Variants in ANPEP observed in about 807,000 individuals in gnomAD.
ANPEP encodes aminopeptidase N.
A neutral mutation model predicts 114.6 loss-of-function variants in ANPEP; 70 were observed. That is an observed-to-expected ratio of 0.61 (90% CI 0.50 to 0.75). ANPEP has a LOEUF of 0.75. ANPEP is among the 30% of genes least tolerant of loss of function. The pLI, the probability that ANPEP is intolerant of heterozygous loss-of-function variation, is 0.00. For missense variants in ANPEP, 1,184 were observed against 1,259.5 expected, an observed-to-expected ratio of 0.94 and a Z score of 0.91; for synonymous variants, 548 against 522.3, an observed-to-expected ratio of 1.05 and a Z score of -0.67.
chr15:89,791,282 G>C (rs761230301), intron 18 of ANPEP, among the ~76,000 whole-genome samples, 189 bp from the exon 19 acceptor site: 2 of 152,182 alleles, frequency 1.3e-5, no homozygotes, highest in African/African-American at 2.4e-5. Flanking sequence ...CAGGGTCACA[G>C]GGTCACTGGC....
chr15:89,799,658 C>G lies in ANPEP; in HGVS notation c.1820-99G>C. The G allele has an allele frequency of 6.5e-7, 1 of 1,549,794 alleles. No individual in the cohort carries two copies. Among genetic ancestry groups the G allele is most frequent in the Non-Finnish European group, 8.8e-7 (1 of 1,136,288 alleles). On this transcript the variant is annotated intron_variant, in intron 12 of 20. Coordinates refer to ENST00000300060, the MANE Select transcript of ANPEP (RefSeq NM_001150.3). The surrounding 1 kb of genome is among the most constrained non-coding windows in gnomAD (Gnocchi z 4.2). ...AGCTGCCCCCGCAGCCTGGCACCAC[C>G]TCACCCTCAAGCTGCTGGGGAGACG... is the stretch of plus-strand genomic sequence containing the variant.
In ANPEP at chr15:89,792,134, C is replaced by A. The variant is rs192220946; in HGVS notation, c.2528+26G>T. The A allele has an allele frequency of 8.7e-4, 1,389 of 1,600,850 alleles. 15 individuals carry two copies. The African/African-American group carries it at 0.017, about 19-fold the overall frequency. On this transcript the variant is annotated intron_variant, in intron 18 of 20. Transcript: ENST00000300060. ...TCTCCAGGTGGGGAGAGGGCTCTCGCAGTCCCACCCTGCGCCAAGACTCAC... is the reference window on the plus strand; with the variant it reads ...TCTCCAGGTGGGGAGAGGGCTCTCGAAGTCCCACCCTGCGCCAAGACTCAC...
At position 89,785,927 on chromosome 15, in the gene ANPEP, G is replaced by T. The variant is rs1419083141; in HGVS notation, c.2752-426C>A. On this transcript the variant is annotated intron_variant, in intron 20 of 20. Transcript: ENST00000300060. Reference sequence around the variant, plus strand: ...TATCAGTCCTGGAGGTTCTAGCCAGGCAATCAGCCAAGAGAATGAAATGAA... The same window carrying T: ...TATCAGTCCTGGAGGTTCTAGCCAGTCAATCAGCCAAGAGAATGAAATGAA... 2.0e-5 allele frequency among the ~76,000 whole-genome samples: 3 copies of T among 152,140 alleles called. No homozygotes were observed. The South Asian group carries it at 6.2e-4, about 31-fold the overall frequency.
chr15:89,812,322 G>A (rs573932348), intron 1 of ANPEP, among the ~76,000 whole-genome samples: 208 of 152,364 alleles, frequency 1.4e-3, no homozygotes, highest in African/African-American at 4.9e-3. Flanking sequence ...TGCTCTGAGG[G>A]AGCAGTGAGC....
rs145083524 is a variant in ANPEP at position 89,806,943 on chromosome 15, G to A, written c.-223-137C>T. ...GGTGGCATTGCATTGATCTGCTTGAGAGCTGAGAGGGTGGGAACAGCATCA... is the reference window on the plus strand; with the variant it reads ...GGTGGCATTGCATTGATCTGCTTGAAAGCTGAGAGGGTGGGAACAGCATCA... On this transcript the variant is annotated intron_variant, in intron 1 of 20. Transcript: ENST00000300060. This position sits in a 1 kb window ranked among gnomAD's most constrained non-coding sequence, Gnocchi z 5.7. The A allele has an allele frequency of 4.3e-4, 105 of 245,170 alleles. 1 individual carries two copies. In the South Asian group the frequency reaches 7.0e-3, roughly 16 times the overall value. 15.2% of individuals were successfully genotyped at this position (245,170 alleles called of 1,614,324 possible).
chr15:89,786,385 A>AATTTT (rs1968507136), intron 20 of ANPEP, among the ~76,000 whole-genome samples: 1 of 86,466 alleles, frequency 1.2e-5, no homozygotes, highest in African/African-American at 7.6e-5. Context: ...AATTTTAACT[A>AATTTT]CTTTTTTTTT....
intron 1 of ANPEP, among the ~76,000 whole-genome samples, chr15:89,813,350 G>A (rs117465795): frequency 0.02 from 3,103 of 152,298 alleles, 55 homozygotes; most frequent in Non-Finnish European, 0.024. Flanking sequence ...TAGCTTAAAG[G>A]CTGTAGGGGT....
Position 89,804,507 on chromosome 15 carries a change from G to A in ANPEP, c.1008C>T (p.Tyr336=), listed in dbSNP as rs140528550. Residue 336 remains tyrosine (Y), a synonymous_variant, in exon 5 of 21, where the codon TAC becomes TAT. Coordinates refer to ENST00000300060, the MANE Select transcript of ANPEP (RefSeq NM_001150.3). ...NFFAGHYDTP[Y]PLPKSDQIGL... ...CCCACTCACCTGATTTTGGGAGTGG[G>A]TAGGGTGTGTCATAATGACCAGCAA... is the stretch of plus-strand genomic sequence containing the variant. 503 of 1,614,244 alleles carry A rather than the reference G, an allele frequency of 3.1e-4. 7 individuals carry two copies. The South Asian group carries it at 4.8e-3, about 15-fold the overall frequency.
At chr15:89,805,601 C>A in intron 2 of ANPEP, 138 bp from the exon 3 acceptor site, 1 of 1,291,458 alleles carries the variant, frequency 7.7e-7, no homozygotes, top group Non-Finnish European at 1.0e-6. Flanking sequence ...CCCACCCCCG[C>A]CTCGCCGGGA....
rs562868853 is a variant in ANPEP at position 89,794,703 on chromosome 15, A to G, written c.2158-1577T>C. 4.6e-5 allele frequency among the ~76,000 whole-genome samples: 7 copies of G among 152,176 alleles called. No homozygotes were observed. In the South Asian group the frequency reaches 1.5e-3, roughly 32 times the overall value. Reference sequence around the variant, plus strand: ...GGGGCTCAGAAAGTGGGGTCACCAGACCACAGTGGGAGGGTTGCTGGATTG... The same window carrying G: ...GGGGCTCAGAAAGTGGGGTCACCAGGCCACAGTGGGAGGGTTGCTGGATTG... On this transcript the variant is annotated intron_variant, in intron 15 of 20. Transcript: ENST00000300060.
intron 14 of ANPEP, 72 bp from the exon 15 acceptor site, chr15:89,797,794 A>C (rs1968758963): frequency 6.3e-7 from 1 of 1,598,172 alleles, no homozygotes; most frequent in South Asian, 1.1e-5. Flanking sequence ...ACCCCAACCC[A>C]GGCCCTCAAA....
chr15:89,805,642 C>T (rs879492758), intron 2 of ANPEP, among the ~76,000 whole-genome samples, 179 bp from the exon 3 acceptor site: 10 of 152,220 alleles, frequency 6.6e-5, no homozygotes, highest in African/African-American at 1.2e-4. Context: ...CCAGCTGACT[C>T]GTGGGGGTTG....
Position 89,806,272 on chromosome 15 carries a change from C to T in ANPEP, c.312G>A (p.Lys104=), listed in dbSNP as rs776859820. The change falls in exon 2 of 21, where the codon AAG becomes AAA. Residue 104 remains lysine (K), a synonymous_variant. Transcript: ENST00000300060. The surrounding 1 kb of genome is among the most constrained non-coding windows in gnomAD (Gnocchi z 5.7). Reference sequence around the variant, plus strand: ...AGGTGAAACGGACGGTGCTGGAGCCCTTAAAAACGTACAGGCCCCTGTCAT... The same window carrying T: ...AGGTGAAACGGACGGTGCTGGAGCCTTTAAAAACGTACAGGCCCCTGTCAT... ...TPNDRGLYVF[K]GSSTVRFTCK... The T allele has an allele frequency of 1.2e-6, 2 of 1,614,166 alleles. No individual in the cohort carries two copies. Among genetic ancestry groups the T allele is most frequent in the South Asian group, 1.1e-5 (1 of 91,076 alleles).
chr15:89,794,020 A>G (rs1968682774), intron 15 of ANPEP, among the ~76,000 whole-genome samples: 2 of 152,222 alleles, frequency 1.3e-5, no homozygotes, highest in Non-Finnish European at 2.9e-5. Flanking sequence ...TAAACCCCCA[A>G]TAACAAAGAA....
intron 1 of ANPEP, among the ~76,000 whole-genome samples, chr15:89,810,105 C>T (rs1054862278): frequency 5.9e-5 from 9 of 152,142 alleles, no homozygotes; most frequent in African/African-American, 9.7e-5. Context: ...TGAGGCTGAG[C>T]GCGGTGGCTC....
intron 15 of ANPEP, among the ~76,000 whole-genome samples, chr15:89,794,648 C>T (rs1968694514): frequency 2.1e-5 from 2 of 93,426 alleles, no homozygotes; most frequent in Non-Finnish European, 4.0e-5. Flanking sequence ...GGCAGCACCC[C>T]TCACCACCCC....
intron 1 of ANPEP, among the ~76,000 whole-genome samples, chr15:89,813,909 G>T (rs1894858250): frequency 6.6e-6 from 1 of 152,138 alleles, no homozygotes; most frequent in Non-Finnish European, 1.5e-5. Context: ...CAGTCCAGGG[G>T]CTGAGGTGGG....
chr15:89,804,179 C>A, intron 6 of ANPEP, 74 bp downstream of exon 6: 1 of 1,596,046 alleles, frequency 6.3e-7, no homozygotes, highest in Non-Finnish European at 8.6e-7. Flanking sequence ...CAGCCCGGGG[C>A]AGAGCCTGGA....
chr15:89,810,137 T>C (rs1894791769), intron 1 of ANPEP, among the ~76,000 whole-genome samples: 1 of 152,066 alleles, frequency 6.6e-6, no homozygotes, highest in Non-Finnish European at 1.5e-5. Context: ...CCCAGCACTT[T>C]AGGAGGCTGA....
Sources: gnomAD v4.1 joint callset for allele counts (sites outside exome capture counted in the v4.1 genomes callset) on GRCh38, gnomAD v4.1.1 for gene constraint, Gnocchi (gnomAD v3.1) non-coding constraint, MANE v1.5 for transcripts, NCBI Gene and HGNC (gene_info 2026-07-23, HGNC 2026-07-21) for gene names.